The following GEMIN7 variants were observed in gnomAD, a reference collection of about 807,000 sequenced individuals.
GEMIN7 encodes the protein gem nuclear organelle associated protein 7.
A neutral mutation model predicts 7.8 loss-of-function variants in GEMIN7; 7 were observed. The observed-to-expected ratio is 0.90, with a 90% CI of 0.51 to 1.69. The LOEUF (loss-of-function observed/expected upper bound fraction) is 1.69, where lower values mean the gene tolerates loss of function less well. Among genes scored for constraint, GEMIN7 ranks in the 40% most tolerant of loss-of-function variants. The pLI, the probability that GEMIN7 is intolerant of heterozygous loss-of-function variation, is 0.00. For missense variants in GEMIN7, 159 were observed against 176.2 expected (o/e 0.90, Z 0.55); for synonymous variants, 68 against 72.4 (o/e 0.94, Z 0.31).
upstream of GEMIN7, chr19:45,076,464 C>G: frequency 1.0e-6 from 1 of 999,174 alleles, no homozygotes; most frequent in South Asian, 4.9e-5. This position sits in a 1 kb window ranked among gnomAD's most constrained non-coding sequence, Gnocchi z 4.9. Flanking sequence ...ACCGTGCGCG[C>G]TCAGGTGAGT....
At chr19:45,080,398 CAG>C (rs1967459745) in intron 2 of GEMIN7, among the ~76,000 whole-genome samples, 1 of 136,126 alleles carries the variant, frequency 7.3e-6, no homozygotes, top group Admixed American at 7.7e-5. Context: ...TTTTTTGAAA[CAG>C]AGTCTCACTC....
In GEMIN7 at chr19:45,091,484, T is replaced by A. The variant is rs1473562465; in HGVS notation, c.*974T>A. ...TTAAGTTCAGGATGTAAGCGAAGCC[T>A]TCCATTAAGTAAAGGTGAGTGTCGT... On this transcript the variant is annotated 3_prime_UTR_variant, in exon 3 of 3. Transcript: ENST00000270257. 1 of 166,612 alleles carries A rather than the reference T, an allele frequency of 6.0e-6. No homozygotes were observed. Among genetic ancestry groups the A allele is most frequent in the Non-Finnish European group, 1.5e-5 (1 of 68,126 alleles). The allele number at this position is 166,612 out of a possible 1,614,324, so 10.3% of individuals were successfully genotyped here.
intron 2 of GEMIN7, among the ~76,000 whole-genome samples, chr19:45,087,542 G>C (rs1967736056): frequency 6.6e-6 from 1 of 152,186 alleles, no homozygotes; most frequent in Non-Finnish European, 1.5e-5. Flanking sequence ...CTCACGGAGG[G>C]AAAGGAGATA....
chr19:45,088,936 CT>C (rs368470130), intron 2 of GEMIN7, among the ~76,000 whole-genome samples: 13,615 of 143,120 alleles, frequency 0.095, 712 homozygotes, highest in Non-Finnish European at 0.13. Context: ...CCCATCCATG[CT>C]TTTTTTTTTT....
chr19:45,083,519 T>A (rs575891971), intron 2 of GEMIN7, among the ~76,000 whole-genome samples: 35 of 151,948 alleles, frequency 2.3e-4, no homozygotes, highest in Admixed American at 5.9e-4. Context: ...ATTTGGCAGC[T>A]AATTATGCAG....
At chr19:45,078,949 G>C (rs1967411258), upstream of GEMIN7, among the ~76,000 whole-genome samples, 1 of 152,218 alleles carries the variant, frequency 6.6e-6, no homozygotes, top group Non-Finnish European at 1.5e-5. Flanking sequence ...GGTATGTGTA[G>C]GGGGATGGGG....
At chr19:45,085,475 A>C (rs1443982090) in intron 2 of GEMIN7, 1 of 152,234 alleles carries the variant, frequency 6.6e-6, no homozygotes, top group Non-Finnish European at 1.5e-5. Context: ...ATGCTGCTCA[A>C]ACCCTACACC....
chr19:45,081,127 C>A (rs10427100), intron 2 of GEMIN7, among the ~76,000 whole-genome samples: 4 of 151,948 alleles, frequency 2.6e-5, no homozygotes, highest in African/African-American at 9.7e-5. Flanking sequence ...TACAGCGAGA[C>A]CTCACCTCAA....
Position 45,090,345 on chromosome 19 carries a change from G to A in GEMIN7, c.231G>A (p.Gln77=). The A allele has an allele frequency of 6.2e-7, 1 of 1,614,190 alleles. No homozygotes were observed. The highest frequency in any genetic ancestry group is 8.5e-7 in the Non-Finnish European group (1 of 1,180,046). ...GCCTGCTGGCCATGGTGGGTCATCA[G>A]GTGAGCTTCACGTTGCACGAGGGTG... is the stretch of plus-strand genomic sequence containing the variant. The part of the protein sequence containing the change: ...LRSLLAMVGH[Q]VSFTLHEGVR... Residue 77 remains glutamine, a synonymous_variant, in exon 3 of 3, where the codon CAG becomes CAA. Transcript: ENST00000270257.
upstream of GEMIN7, chr19:45,075,649 C>T (rs1967332011): frequency 1.9e-6 from 3 of 1,586,592 alleles, no homozygotes; most frequent in Middle Eastern, 3.4e-4. Context: ...TCCAGCCCAG[C>T]CCCTTTCCAG....
At chr19:45,079,878 A>G (rs1235461291) in intron 1 of GEMIN7, 29 bp from the exon 2 acceptor site, 1 of 152,192 alleles carries the variant, frequency 6.6e-6, no homozygotes, top group African/African-American at 2.4e-5. Context: ...GTGTCTGTGG[A>G]CACGTCAACA....
upstream of GEMIN7, chr19:45,076,144 GC>G: frequency 1.3e-6 from 2 of 1,548,884 alleles, no homozygotes; most frequent in Non-Finnish European, 1.7e-6. The surrounding 1 kb of genome is among the most constrained non-coding windows in gnomAD (Gnocchi z 4.9). Context: ...GAGGAGGGCG[GC>G]CCCGGCGGGC....
At position 45,090,309 on chromosome 19, in the gene GEMIN7, T is replaced by C; in HGVS notation, c.195T>C (p.Arg65=). ...EQRARAALRE[R]YLRSLLAMVG... is the part of the protein sequence containing the mutation. The stretch of plus-strand genomic sequence containing the variant: ...GGGCACGAGCCGCCCTTCGGGAGCG[T>C]TACCTCCGCAGCCTGCTGGCCATGG... The change falls in exon 3 of 3, where the codon CGT becomes CGC. Residue 65 remains arginine (R), a synonymous_variant. Coordinates refer to ENST00000270257, the MANE Select transcript of GEMIN7 (RefSeq NM_024707.3). The C allele has an allele frequency of 6.2e-7, 1 of 1,614,162 alleles. No individual in the cohort carries two copies. The highest frequency in any genetic ancestry group is 8.5e-7 in the Non-Finnish European group (1 of 1,180,028).
intron 2 of GEMIN7, among the ~76,000 whole-genome samples, chr19:45,080,755 C>G (rs1967471876): frequency 1.9e-5 from 2 of 102,982 alleles, no homozygotes; most frequent in Non-Finnish European, 3.8e-5. Flanking sequence ...CCAAATCTCC[C>G]TTGTTTTTTG....
chr19:45,079,647 G>A (rs1280942600), intron 1 of GEMIN7, among the ~76,000 whole-genome samples: 1 of 152,254 alleles, frequency 6.6e-6, no homozygotes, highest in Non-Finnish European at 1.5e-5. Context: ...CGAACGCCCA[G>A]GGCGGTGTGG....
chr19:45,083,041 T>C (rs1387709436), intron 2 of GEMIN7, among the ~76,000 whole-genome samples: 3 of 152,234 alleles, frequency 2.0e-5, no homozygotes, highest in Non-Finnish European at 4.4e-5. Context: ...TGGCTGCTGT[T>C]GTGCTACTGT....
intron 1 of GEMIN7, among the ~76,000 whole-genome samples, chr19:45,079,685 C>T (rs1039684615): frequency 1.3e-5 from 2 of 152,074 alleles, no homozygotes; most frequent in Non-Finnish European, 2.9e-5. Context: ...GCCGGGAGGA[C>T]CTACTTAGTA....
chr19:45,081,640 G>T (rs1568429671), intron 2 of GEMIN7, among the ~76,000 whole-genome samples: 1 of 150,214 alleles, frequency 6.7e-6, no homozygotes, highest in African/African-American at 2.5e-5. Flanking sequence ...TGTTTTTGTT[G>T]TTTTGAGATG....
chr19:45,076,415 G>C (rs927853042), upstream of GEMIN7: 204 of 1,218,238 alleles, frequency 1.7e-4, no homozygotes, highest in Non-Finnish European at 2.1e-4. The surrounding 1 kb of genome is among the most constrained non-coding windows in gnomAD (Gnocchi z 4.9). Flanking sequence ...CAGGCAGGCA[G>C]GCGGGCGGGC....
Sources: allele counts gnomAD v4.1 joint callset (sites outside exome capture counted in the v4.1 genomes callset), GRCh38; gene constraint gnomAD v4.1.1; non-coding constraint Gnocchi (gnomAD v3.1); transcripts MANE v1.5; gene names NCBI Gene and HGNC (gene_info 2026-07-23, HGNC 2026-07-21).